CIT: variants seen among roughly 807,000 people sequenced by gnomAD.
The protein encoded by CIT is citron rho-interacting serine/threonine kinase, also known as citron Rho-interacting kinase.
In CIT, 79 loss-of-function variants were observed where a neutral mutation model predicts 272.7. The ratio of observed to expected loss-of-function variants is 0.29; its 90% CI spans 0.24 to 0.35. The LOEUF is 0.35. CIT is among the 10% of genes least tolerant of loss of function. The probability of loss-of-function intolerance (pLI) is 1.00; values close to 1 mark genes in which losing one functional copy is unlikely to be tolerated. For missense variants in CIT, 1,909 were observed against 2,618.3 expected (o/e 0.73, Z 5.91); for synonymous variants, 948 against 995.6 (o/e 0.95, Z 0.90).
chr12:119,742,426 A>T lies in CIT; in HGVS notation c.2943T>A (p.Leu981=), dbSNP rs747745188. 6.2e-7 allele frequency: 1 copy of T among 1,610,634 alleles called. No individual in the cohort carries two copies. Among genetic ancestry groups the T allele is most frequent in the South Asian group, 1.1e-5 (1 of 90,230 alleles). ...RDEIQRKFDA[L]RNSCTVITDL... is the part of the protein sequence containing the mutation. The stretch of plus-strand genomic sequence containing the variant: ...TAATACTCACAGTACAGCTGTTACG[A>T]AGAGCATCAAATTTGCGCTGGATTT... The change falls in exon 24 of 48, where the codon CTT becomes CTA. Residue 981 remains leucine, a synonymous_variant. Transcript: ENST00000392521.
chr12:119,772,667 A>G, intron 17 of CIT, 103 bp downstream of exon 17: 1 of 1,285,454 alleles, frequency 7.8e-7, no homozygotes, highest in Non-Finnish European at 1.0e-6. Context: ...AAGGGAAAGC[A>G]GCTTTGGTCA....
At chr12:119,737,946 T>C (rs74412655) in intron 24 of CIT, among the ~76,000 whole-genome samples, 2,356 of 152,306 alleles carry the variant, frequency 0.015, 68 homozygotes, top group African/African-American at 0.055. Context: ...TTTACAGATA[T>C]TAAACTGACT....
chr12:119,722,844 TC>T (rs1056268740), intron 28 of CIT, among the ~76,000 whole-genome samples: 1 of 152,132 alleles, frequency 6.6e-6, no homozygotes, highest in Non-Finnish European at 1.5e-5. Context: ...CCTCTCATCC[TC>T]CCGTCTGCCT....
chr12:119,777,448 G>T (rs547091790), intron 13 of CIT, among the ~76,000 whole-genome samples: 3 of 151,962 alleles, frequency 2.0e-5, no homozygotes, highest in Non-Finnish European at 4.4e-5. Context: ...GAGGCAGGCG[G>T]ATCACAAGGT....
At chr12:119,857,381 C>A (rs1240888709) in intron 4 of CIT, 142 bp downstream of exon 4, 1 of 757,128 alleles carries the variant, frequency 1.3e-6, no homozygotes, top group Admixed American at 3.0e-5. Context: ...ACATGAGAGA[C>A]CTTTTTGCCC....
rs746965527 is a variant in CIT at position 119,794,790 on chromosome 12, C to A, written c.1295+8416G>T. Among the ~76,000 whole-genome samples, 27 of 152,310 alleles carry A rather than the reference C, an allele frequency of 1.8e-4. 1 individual carries two copies. Among genetic ancestry groups the A allele is most frequent in the Middle Eastern group, 3.4e-3 (1 of 294 alleles). On this transcript the variant is annotated intron_variant, in intron 10 of 47. Coordinates refer to ENST00000392521, the MANE Select transcript of CIT (RefSeq NM_001206999.2). ...AAAAGAGAGTCCAAAGCACCCCATA[C>A]CCATCCTCGGACCTAAATAACATTA...
At chr12:119,821,425 T>C (rs542927518) in intron 9 of CIT, among the ~76,000 whole-genome samples, 1 of 152,328 alleles carries the variant, frequency 6.6e-6, no homozygotes, top group South Asian at 2.1e-4. Flanking sequence ...TAGGTATGTA[T>C]GCACAGGAAA....
At position 119,710,911 on chromosome 12, in the gene CIT, A is replaced by C; in HGVS notation, c.4855-291T>G. The stretch of plus-strand genomic sequence containing the variant: ...ACATGGAAAGCTATTCTGTAATAAG[A>C]AATAAGCTGAAGCTAAGGAGATTTC... On this transcript the variant is annotated intron_variant, in intron 37 of 47. Transcript: ENST00000392521. This position sits in a 1 kb window ranked among gnomAD's most constrained non-coding sequence, Gnocchi z 5.6. 4.4e-6 allele frequency: 3 copies of C among 679,624 alleles called. No homozygotes were observed. In the South Asian group the frequency reaches 5.0e-5, roughly 11 times the overall value. The allele number at this position is 679,624 out of a possible 1,614,324, so 42.1% of individuals were successfully genotyped here.
chr12:119,849,414 G>C (rs775397617), intron 5 of CIT, among the ~76,000 whole-genome samples: 2 of 151,988 alleles, frequency 1.3e-5, no homozygotes, highest in Non-Finnish European at 2.9e-5. Flanking sequence ...GTGACAAAGC[G>C]AGACTCTGTC....
chr12:119,829,382 A>AAGAGAAGAGAAGAGC (rs1968438697), intron 7 of CIT, among the ~76,000 whole-genome samples: 2 of 150,852 alleles, frequency 1.3e-5, no homozygotes, highest in East Asian at 1.9e-4. Context: ...AAGAGAAGAG[A>AAGAGAAGAGAAGAGC]AGAGAAGAGA....
At position 119,734,194 on chromosome 12, in the gene CIT, TGCA is replaced by T; in HGVS notation, c.3317_3319del (p.Leu1106del). ...CTGTTTCTCGGTGTCCAGCATTCTCTGCAGCTCTCGAACCCGACACTCAAACTG... is the reference window on the plus strand; with the variant it reads ...CTGTTTCTCGGTGTCCAGCATTCTCTGCTCTCGAACCCGACACTCAAACTG... On this transcript the variant is annotated inframe_deletion, in exon 26 of 48. Transcript: ENST00000392521. 1 of 1,613,768 alleles carries T rather than the reference TGCA, an allele frequency of 6.2e-7. No individual in the cohort carries two copies. The highest frequency in any genetic ancestry group is 2.2e-5 in the East Asian group (1 of 44,852).
In CIT at chr12:119,712,238, G is replaced by A. The variant is rs771416093; in HGVS notation, c.4794C>T (p.Thr1598=). Reference sequence around the variant, plus strand: ...CACCTGCGACAACTGATTCTAAGGCGGTGACCCAGCGCTGTTTGTCAGGGA... The same window carrying A: ...CACCTGCGACAACTGATTCTAAGGCAGTGACCCAGCGCTGTTTGTCAGGGA... ...PSFPDKQRWV[T]ALESVVAGGR... Residue 1598 remains threonine, a synonymous_variant, in exon 37 of 48, where the codon ACC becomes ACT. Coordinates refer to ENST00000392521, the MANE Select transcript of CIT (RefSeq NM_001206999.2). The surrounding 1 kb of genome is among the most constrained non-coding windows in gnomAD (Gnocchi z 5.2). 9.3e-6 allele frequency: 15 copies of A among 1,613,608 alleles called. No individual in the cohort carries two copies. Among genetic ancestry groups the A allele is most frequent in the East Asian group, 2.2e-5 (1 of 44,882 alleles).
At chr12:119,839,229 G>C (rs1264224942) in intron 5 of CIT, among the ~76,000 whole-genome samples, 1 of 152,192 alleles carries the variant, frequency 6.6e-6, no homozygotes, top group Non-Finnish European at 1.5e-5. Flanking sequence ...AAATGTGTCT[G>C]TGCACACGTG....
Position 119,699,483 on chromosome 12 carries a change from G to A in CIT, c.5623+1262C>T, listed in dbSNP as rs185583913. Among the ~76,000 whole-genome samples, 11 of 152,258 alleles carry A rather than the reference G, an allele frequency of 7.2e-5. No individual in the cohort carries two copies. In the East Asian group the frequency reaches 1.5e-3, roughly 21 times the overall value. On this transcript the variant is annotated intron_variant, in intron 44 of 47. Transcript: ENST00000392521. Reference sequence around the variant, plus strand: ...TTTAAAGTCATGGGCTCTGGTATGCGTGCCCCGGTGCAGTTCCCTGGCCTT... The same window carrying A: ...TTTAAAGTCATGGGCTCTGGTATGCATGCCCCGGTGCAGTTCCCTGGCCTT...
chr12:119,829,643 T>C (rs1968470784), intron 7 of CIT, among the ~76,000 whole-genome samples: 1 of 152,228 alleles, frequency 6.6e-6, no homozygotes, highest in South Asian at 2.1e-4. Flanking sequence ...ACAATCTCCT[T>C]ATGACTGTTT....
intron 26 of CIT, among the ~76,000 whole-genome samples, chr12:119,732,225 A>G (rs1304870848): frequency 6.6e-6 from 1 of 152,206 alleles, no homozygotes; most frequent in Non-Finnish European, 1.5e-5. Context: ...AAGAAAAAAA[A>G]GGAAAAGAAA....
Position 119,784,466 on chromosome 12 carries a change from G to A in CIT, c.1402-415C>T, listed in dbSNP as rs765165029. The stretch of plus-strand genomic sequence containing the variant: ...GGACAGGGCAAGGAGATATTTATTC[G>A]TCTGCACTCTTAGGAGTCCCAGGCA... On this transcript the variant is annotated intron_variant, in intron 11 of 47. Coordinates refer to ENST00000392521, the MANE Select transcript of CIT (RefSeq NM_001206999.2). This position sits in a 1 kb window ranked among gnomAD's most constrained non-coding sequence, Gnocchi z 4.7. 1.5e-4 allele frequency: 176 copies of A among 1,198,028 alleles called. No homozygotes were observed. Among genetic ancestry groups the A allele is most frequent in the Non-Finnish European group, 1.8e-4 (168 of 950,204 alleles). 74.2% of individuals were successfully genotyped at this position (1,198,028 alleles called of 1,614,324 possible). A position where few individuals can be genotyped will look rare whatever the true frequency, so the allele number is the denominator to read the frequency against.
At chr12:119,817,734 A>G (rs1420985464) in intron 9 of CIT, among the ~76,000 whole-genome samples, 1 of 152,156 alleles carries the variant, frequency 6.6e-6, no homozygotes, top group African/African-American at 2.4e-5. Flanking sequence ...TGCACTTAAC[A>G]TACTGTAGAA....
chr12:119,795,794 A>C (rs1965684768), intron 10 of CIT, among the ~76,000 whole-genome samples: 1 of 152,236 alleles, frequency 6.6e-6, no homozygotes, highest in African/African-American at 2.4e-5. Flanking sequence ...AATGGGGATA[A>C]TATCAGCTAC....
Sources: gnomAD v4.1 joint callset for allele counts (sites outside exome capture counted in the v4.1 genomes callset) on GRCh38, gnomAD v4.1.1 for gene constraint, Gnocchi (gnomAD v3.1) non-coding constraint, MANE v1.5 for transcripts, NCBI Gene and HGNC (gene_info 2026-07-23, HGNC 2026-07-21) for gene names.